The following CADPS2 variants were observed in gnomAD, a reference collection of about 807,000 sequenced individuals.
The protein encoded by CADPS2 is calcium dependent secretion activator 2.
A neutral mutation model predicts 172.5 loss-of-function variants in CADPS2; 93 were observed. The observed-to-expected ratio is 0.54, with a 90% confidence interval of 0.46 to 0.64. The LOEUF is 0.64. Ranked by LOEUF, CADPS2 falls within the 30% of genes least tolerant of loss-of-function variation. The pLI is 0.00. For synonymous variants in CADPS2, 546 were observed against 555.2 expected (o/e 0.98, Z 0.23); for missense variants, 1,420 against 1,565.9 (o/e 0.91, Z 1.57).
intron 17 of CADPS2, among the ~76,000 whole-genome samples, chr7:122,425,266 C>T (rs918925394): frequency 4.6e-5 from 7 of 151,856 alleles, no homozygotes; most frequent in Admixed American, 1.3e-4. Context: ...CATTCGTGAG[C>T]CACCATACTC....
In CADPS2 at chr7:122,416,640, C is replaced by T. The variant is rs551532344; in HGVS notation, c.2477-476G>A. On this transcript the variant is annotated intron_variant, in intron 17 of 29. Coordinates refer to ENST00000449022, the MANE Select transcript of CADPS2 (RefSeq NM_017954.11). The stretch of plus-strand genomic sequence containing the variant: ...ATGTTGATCTTAAATTCAAGAAGTA[C>T]AAAGTCACCTAAAACAACTCTGACA... Among the ~76,000 whole-genome samples, 9 of 152,256 alleles carry T rather than the reference C, an allele frequency of 5.9e-5. No individual in the cohort carries two copies. The South Asian group carries it at 1.5e-3, about 25-fold the overall frequency.
At chr7:122,545,850 T>C (rs908961069) in intron 8 of CADPS2, among the ~76,000 whole-genome samples, 4 of 152,170 alleles carry the variant, frequency 2.6e-5, no homozygotes, top group Non-Finnish European at 5.9e-5. Flanking sequence ...TTTTCTTTGA[T>C]TGACCTGTGG....
rs529693746 is a variant in CADPS2, at chr7:122,560,917, A to C, written c.1336-6228T>G. Among the ~76,000 whole-genome samples the C allele has an allele frequency of 9.2e-5, 14 of 152,306 alleles. No individual in the cohort carries two copies. In the South Asian group the frequency reaches 2.9e-3, roughly 32 times the overall value. ...TTAGCAGATGTTAATAACCACATAT[A>C]TTAATATTTGCCCCAATATCAGAAC... is the stretch of plus-strand genomic sequence containing the variant. On this transcript the variant is annotated intron_variant, in intron 7 of 29. Transcript: ENST00000449022.
chr7:122,665,404 T>G (rs1198079438), intron 2 of CADPS2, among the ~76,000 whole-genome samples: 1 of 152,206 alleles, frequency 6.6e-6, no homozygotes, highest in African/African-American at 2.4e-5. Flanking sequence ...CAGACTTCCG[T>G]ACTGAAACAC....
At chr7:122,505,300 AG>A (rs1483488618) in intron 9 of CADPS2, among the ~76,000 whole-genome samples, 2 of 152,202 alleles carry the variant, frequency 1.3e-5, no homozygotes, top group Non-Finnish European at 2.9e-5. Flanking sequence ...TACAACTTGA[AG>A]TTGCTGTTTT....
At chr7:122,737,618 G>T (rs2092248986) in intron 1 of CADPS2, among the ~76,000 whole-genome samples, 1 of 152,090 alleles carries the variant, frequency 6.6e-6, no homozygotes, top group East Asian at 1.9e-4. Flanking sequence ...ATCCTGATAT[G>T]GAAGTGGAAT....
chr7:122,785,095 C>G (rs1222157991), intron 1 of CADPS2, among the ~76,000 whole-genome samples: 1 of 152,188 alleles, frequency 6.6e-6, no homozygotes, highest in East Asian at 1.9e-4. Context: ...AATCAGGTCT[C>G]AGCAGCTACC....
chr7:122,777,154 AAAT>A (rs905517539), intron 1 of CADPS2, among the ~76,000 whole-genome samples: 1 of 152,166 alleles, frequency 6.6e-6, no homozygotes, highest in African/African-American at 2.4e-5. Context: ...CTGTCTAAAA[AAAT>A]AATAATAATT....
At chr7:122,397,827 C>T (rs2045359923) in intron 20 of CADPS2, among the ~76,000 whole-genome samples, 1 of 152,142 alleles carries the variant, frequency 6.6e-6, no homozygotes, top group African/African-American at 2.4e-5. Flanking sequence ...GCGGCCACAT[C>T]CAAGAACACT....
chr7:122,320,429 G>C, intron 29 of CADPS2, 91 bp from the exon 30 acceptor site: 1 of 1,016,090 alleles, frequency 9.8e-7, no homozygotes, highest in East Asian at 2.8e-5. Context: ...AAATGATCTT[G>C]GGGAATCCAC....
At chr7:122,446,604 G>A (rs1394471074) in intron 15 of CADPS2, among the ~76,000 whole-genome samples, 1 of 152,164 alleles carries the variant, frequency 6.6e-6, no homozygotes, top group Non-Finnish European at 1.5e-5. Context: ...CTTTCCTGTG[G>A]TTCTTTGCCA....
intron 2 of CADPS2, among the ~76,000 whole-genome samples, chr7:122,726,457 G>C (rs1482236961): frequency 6.6e-6 from 1 of 151,914 alleles, no homozygotes; most frequent in Non-Finnish European, 1.5e-5. Context: ...ATGTCAAGGT[G>C]AAGCCAGCCC....
chr7:122,704,834 T>C (rs1436284514), intron 2 of CADPS2, among the ~76,000 whole-genome samples: 2 of 152,068 alleles, frequency 1.3e-5, no homozygotes, highest in African/African-American at 2.4e-5. Flanking sequence ...CAGACATTTT[T>C]TGATTGTCAC....
chr7:122,329,058 G>C (rs2034455566), intron 28 of CADPS2, among the ~76,000 whole-genome samples: 1 of 152,182 alleles, frequency 6.6e-6, no homozygotes, highest in African/African-American at 2.4e-5. Context: ...TTAATAACAA[G>C]AGGGTCAACA....
At chr7:122,676,666 G>C in intron 2 of CADPS2, 7 of 1,583,564 alleles carry the variant, frequency 4.4e-6, no homozygotes, top group East Asian at 2.3e-5. Flanking sequence ...GGAGAACCTG[G>C]AGGCCTGCTG....
chr7:122,844,123 A>G (rs1414770137), intron 1 of CADPS2, among the ~76,000 whole-genome samples: 2 of 152,184 alleles, frequency 1.3e-5, no homozygotes, highest in Non-Finnish European at 2.9e-5. Flanking sequence ...AGCTCCTCAC[A>G]CGGCCCCACT....
chr7:122,836,932 T>C (rs183727388), intron 1 of CADPS2, among the ~76,000 whole-genome samples: 3,291 of 152,122 alleles, frequency 0.022, 63 homozygotes, highest in Non-Finnish European at 0.032. Context: ...GCGGACCTAA[T>C]AGACATCTAC....
chr7:122,620,204 G>A (rs2075426092), intron 5 of CADPS2, among the ~76,000 whole-genome samples: 1 of 152,104 alleles, frequency 6.6e-6, no homozygotes, highest in Non-Finnish European at 1.5e-5. Flanking sequence ...CCAGCAGAGA[G>A]GATAAAAAGA....
chr7:122,851,533 G>A (rs1211893999), intron 1 of CADPS2, among the ~76,000 whole-genome samples: 1 of 152,172 alleles, frequency 6.6e-6, no homozygotes, highest in Non-Finnish European at 1.5e-5. Context: ...TAATGAACCT[G>A]TATTAGTCTG....
Sources: gnomAD v4.1 joint callset for allele counts (sites outside exome capture counted in the v4.1 genomes callset) on GRCh38, gnomAD v4.1.1 for gene constraint, MANE v1.5 for transcripts, NCBI Gene and HGNC (gene_info 2026-07-23, HGNC 2026-07-21) for gene names.